ETHE1: variants seen among roughly 807,000 people sequenced by gnomAD.
ETHE1 encodes ETHE1 persulfide dioxygenase, also known as persulfide dioxygenase ETHE1, mitochondrial.
ETHE1 carries 16 observed loss-of-function variants against 25.7 expected under a neutral mutation model. The ratio of observed to expected loss-of-function variants is 0.62; its 90% CI spans 0.42 to 0.95. The LOEUF (loss-of-function observed/expected upper bound fraction) is 0.95, where lower values mean the gene tolerates loss of function less well. Among genes scored for constraint, ETHE1 ranks in the 40% least tolerant of loss-of-function variants. The pLI is 0.00. For missense variants in ETHE1, 300 were observed against 333.6 expected (o/e 0.90, Z 0.79); for synonymous variants, 139 against 135.9 (o/e 1.02, Z -0.16).
At chr19:43,512,767 G>GA (rs34659055) in intron 3 of ETHE1, among the ~76,000 whole-genome samples, 31,345 of 152,160 alleles carry the variant, frequency 0.21, 3,311 homozygotes, top group Non-Finnish European at 0.23. Flanking sequence ...ATTTTCTGAG[G>GA]AAAAATTCAA....
At chr19:43,518,525 T>C (rs566458902) in intron 3 of ETHE1, among the ~76,000 whole-genome samples, 52 of 151,724 alleles carry the variant, frequency 3.4e-4, no homozygotes, top group African/African-American at 1.2e-3. Flanking sequence ...GACGGGCGGA[T>C]CACGAGGTCA....
intron 3 of ETHE1, 109 bp from the exon 4 acceptor site, chr19:43,511,675 T>TA (rs1971921633): frequency 8.0e-7 from 1 of 1,243,916 alleles, no homozygotes; most frequent in Non-Finnish European, 1.1e-6. Flanking sequence ...AACATTTTGG[T>TA]AAAAAATGTA....
intron 3 of ETHE1, among the ~76,000 whole-genome samples, chr19:43,521,477 G>A (rs953715400): frequency 6.6e-6 from 1 of 152,066 alleles, no homozygotes; most frequent in African/African-American, 2.4e-5. Flanking sequence ...TTCACACCTA[G>A]AAGGGGAACC....
intron 3 of ETHE1, among the ~76,000 whole-genome samples, chr19:43,523,827 T>C (rs146811731): frequency 5.3e-5 from 8 of 152,050 alleles, no homozygotes; most frequent in Non-Finnish European, 2.9e-5. Context: ...TCCCAGCTAT[T>C]TGGGAGGCTG....
In ETHE1 at chr19:43,526,366, G is replaced by A; in HGVS notation, c.227-17C>T. On this transcript the variant is annotated splice_polypyrimidine_tract_variant and intron_variant, in intron 2 of 6. Coordinates refer to ENST00000292147, the MANE Select transcript of ETHE1 (RefSeq NM_014297.5). Reference sequence around the variant, plus strand: ...GGGTATTCACTGGGAGAGAGAGGAGGGACAGGTCCGGAGGGTACAGAAAGG... The same window carrying A: ...GGGTATTCACTGGGAGAGAGAGGAGAGACAGGTCCGGAGGGTACAGAAAGG... 4 of 1,614,054 alleles carry A rather than the reference G, an allele frequency of 2.5e-6. No homozygotes were observed. The highest frequency in any genetic ancestry group is 3.4e-6 in the Non-Finnish European group (4 of 1,179,994).
At chr19:43,510,838 G>A in intron 4 of ETHE1, among the ~76,000 whole-genome samples, 1 of 152,066 alleles carries the variant, frequency 6.6e-6, no homozygotes, top group Non-Finnish European at 1.5e-5. Flanking sequence ...TAGGAACTGG[G>A]CTGTGCAGAA....
chr19:43,520,325 G>A (rs1972115126), intron 3 of ETHE1, among the ~76,000 whole-genome samples: 2 of 152,094 alleles, frequency 1.3e-5, no homozygotes, highest in Non-Finnish European at 2.9e-5. Context: ...TTGTGCCACT[G>A]TACGCCAGCC....
At chr19:43,507,018 G>C in intron 6 of ETHE1, 116 bp from the exon 7 acceptor site, 1 of 1,074,578 alleles carries the variant, frequency 9.3e-7, no homozygotes, top group South Asian at 1.3e-5. Flanking sequence ...TTTTGGTCCT[G>C]AGCCCACTCC....
chr19:43,511,697 T>G lies in ETHE1; in HGVS notation c.376-131A>C, dbSNP rs557958578. 9.0e-6 allele frequency: 9 copies of G among 1,001,092 alleles called. No individual in the cohort carries two copies. In the South Asian group the frequency reaches 1.5e-4, roughly 16 times the overall value. 62.0% of individuals were successfully genotyped at this position (1,001,092 alleles called of 1,614,324 possible). A position where few individuals can be genotyped will look rare whatever the true frequency, so the allele number is the denominator to read the frequency against. ...TGGTAAAAAATGTAGATTCCCAGGC[T>G]GTAATCTTATATTATCAGAGTAAAC... On this transcript the variant is annotated intron_variant, in intron 3 of 6. Coordinates refer to ENST00000292147, the MANE Select transcript of ETHE1 (RefSeq NM_014297.5).
chr19:43,523,215 C>A (rs1972171039), intron 3 of ETHE1, among the ~76,000 whole-genome samples: 1 of 152,168 alleles, frequency 6.6e-6, no homozygotes, highest in Non-Finnish European at 1.5e-5. Context: ...AGTACTCATA[C>A]ACATGTATAA....
chr19:43,513,999 G>A (rs943792601), intron 3 of ETHE1, among the ~76,000 whole-genome samples: 1 of 152,266 alleles, frequency 6.6e-6, no homozygotes, highest in East Asian at 1.9e-4. Context: ...TGAGATAACA[G>A]GTGTGAGCCA....
At chr19:43,526,724 C>G (rs1383795465) in intron 1 of ETHE1, 65 bp from the exon 2 acceptor site, 1 of 1,609,256 alleles carries the variant, frequency 6.2e-7, no homozygotes, top group East Asian at 2.2e-5. Context: ...GCCAAGTAGT[C>G]CAGACTGACC....
At chr19:43,512,922 C>T (rs142304828) in intron 3 of ETHE1, among the ~76,000 whole-genome samples, 1,605 of 152,322 alleles carry the variant, frequency 0.011, 17 homozygotes, top group Non-Finnish European at 0.017. Flanking sequence ...AAAATGGTTT[C>T]ATGGGCAGGG....
At chr19:43,509,933 G>A (rs1397389485) in intron 4 of ETHE1, among the ~76,000 whole-genome samples, 1 of 152,214 alleles carries the variant, frequency 6.6e-6, no homozygotes, top group Non-Finnish European at 1.5e-5. Flanking sequence ...TTGCATTTCG[G>A]CCTAAATCCT....
At chr19:43,525,769 C>T in intron 3 of ETHE1, 1 of 276,004 alleles carries the variant, frequency 3.6e-6, no homozygotes, top group Non-Finnish European at 7.1e-6. Context: ...AGGGTCCTCA[C>T]CGTCCTTTTC....
In ETHE1 at chr19:43,526,358, G is replaced by A. The variant is rs199921503; in HGVS notation, c.227-9C>T. 3.1e-6 allele frequency: 5 copies of A among 1,614,016 alleles called. No individual in the cohort carries two copies. The highest frequency in any genetic ancestry group is 4.2e-6 in the Non-Finnish European group (5 of 1,180,002). On this transcript the variant is annotated splice_polypyrimidine_tract_variant and intron_variant, in intron 2 of 6. Coordinates refer to ENST00000292147, the MANE Select transcript of ETHE1 (RefSeq NM_014297.5). ...GTGGCAGTGGGTATTCACTGGGAGA[G>A]AGAGGAGGGACAGGTCCGGAGGGTA... is the stretch of plus-strand genomic sequence containing the variant.
intron 3 of ETHE1, among the ~76,000 whole-genome samples, chr19:43,516,088 C>T (rs954964017): frequency 1.3e-5 from 2 of 152,104 alleles, no homozygotes; most frequent in South Asian, 2.1e-4. Flanking sequence ...AATATCTTCA[C>T]GCTATGGTTG....
chr19:43,508,713 A>C, intron 5 of ETHE1, 62 bp downstream of exon 5: 6 of 1,314,166 alleles, frequency 4.6e-6, no homozygotes, highest in Non-Finnish European at 5.4e-6. Flanking sequence ...CAAGGATTAC[A>C]GAGATTTACA....
At chr19:43,518,999 GTTTTTTTTTTTTTT>G (rs71169253) in intron 3 of ETHE1, among the ~76,000 whole-genome samples, 37 of 91,014 alleles carry the variant, frequency 4.1e-4, no homozygotes, top group African/African-American at 1.1e-3. Flanking sequence ...ATTTGTGCTT[GTTTTTTTTTTTTTT>G]TTTTTTTTTT....
Sources: allele counts gnomAD v4.1 joint callset (sites outside exome capture counted in the v4.1 genomes callset), GRCh38; gene constraint gnomAD v4.1.1; transcripts MANE v1.5; gene names NCBI Gene and HGNC (gene_info 2026-07-23, HGNC 2026-07-21).